Variants in EIF3E observed in about 807,000 individuals in gnomAD.
EIF3E encodes the protein eukaryotic translation initiation factor 3 subunit E, also known as eIF-3 p48.
EIF3E carries 25 observed loss-of-function variants against 59.3 expected under a neutral mutation model. The ratio of observed to expected loss-of-function variants is 0.42; its 90% CI spans 0.31 to 0.59. The LOEUF (loss-of-function observed/expected upper bound fraction) is 0.59. Among genes scored for constraint, EIF3E ranks in the 20% least tolerant of loss-of-function variants. The pLI is 0.15. For missense variants in EIF3E, 317 were observed against 534.3 expected (o/e 0.59, Z 4.01); for synonymous variants, 176 against 170.2 (o/e 1.03, Z -0.26).
In EIF3E at chr8:108,246,607, C is replaced by T. The variant is rs533995628; in HGVS notation, c.90+2006G>A. ...TTTGAACCACACAGGTCCACGTATA[C>T]ACAACTTTTTTTCAATAAAAGTTAC... On this transcript the variant is annotated intron_variant, in intron 1 of 12. Coordinates refer to ENST00000220849, the MANE Select transcript of EIF3E (RefSeq NM_001568.3). Among the ~76,000 whole-genome samples, 14 of 152,210 alleles carry T rather than the reference C, an allele frequency of 9.2e-5. No individual in the cohort carries two copies. In the South Asian group the frequency reaches 2.5e-3, roughly 27 times the overall value.
At chr8:108,235,237 G>A in intron 4 of EIF3E, 135 bp from the exon 5 acceptor site, 2 of 492,450 alleles carry the variant, frequency 4.1e-6, no homozygotes, top group South Asian at 8.9e-5. Context: ...TGAGTCAAAT[G>A]TATCTCTGAT....
At chr8:108,236,944 C>G (rs1000032305) in intron 3 of EIF3E, among the ~76,000 whole-genome samples, 11 of 151,938 alleles carry the variant, frequency 7.2e-5, no homozygotes, top group Admixed American at 2.6e-4. Context: ...ATCGCTTGAA[C>G]CTGGGAGGTG....
chr8:108,207,307 C>T (rs1273942771), intron 10 of EIF3E, among the ~76,000 whole-genome samples: 1 of 151,294 alleles, frequency 6.6e-6, no homozygotes, highest in Admixed American at 6.6e-5. Context: ...CCTGTCTCTA[C>T]AAAACGCAAA....
intron 9 of EIF3E, among the ~76,000 whole-genome samples, chr8:108,215,675 C>T (rs1021104558): frequency 6.6e-6 from 1 of 151,876 alleles, no homozygotes; most frequent in African/African-American, 2.4e-5. Flanking sequence ...TCATTTTTTT[C>T]CTTAGAGAAG....
chr8:108,233,646 A>G, intron 5 of EIF3E: 1 of 408,754 alleles, frequency 2.4e-6, no homozygotes, highest in Non-Finnish European at 5.0e-6. Context: ...GTTTGAGATC[A>G]GCCTGGGCAA....
chr8:108,239,032 A>T (rs1385023002), intron 3 of EIF3E, among the ~76,000 whole-genome samples: 2 of 152,200 alleles, frequency 1.3e-5, no homozygotes, highest in Non-Finnish European at 2.9e-5. Context: ...GGAATAAAAT[A>T]ATCTTATCAG....
intron 10 of EIF3E, among the ~76,000 whole-genome samples, chr8:108,211,370 T>C (rs1266838453): frequency 1.3e-5 from 2 of 152,250 alleles, no homozygotes; most frequent in African/African-American, 2.4e-5. Context: ...TTTTTTCATA[T>C]GTCTGTTGGC....
At chr8:108,235,667 G>A (rs1815715832) in intron 4 of EIF3E, among the ~76,000 whole-genome samples, 1 of 152,204 alleles carries the variant, frequency 6.6e-6, no homozygotes, top group African/African-American at 2.4e-5. Context: ...GGTTAGGAAA[G>A]CTTACGATGT....
intron 8 of EIF3E, 31 bp from the exon 9 acceptor site, chr8:108,216,544 T>G (rs770970811): frequency 8.2e-6 from 12 of 1,463,820 alleles, no homozygotes; most frequent in Non-Finnish European, 1.0e-5. Flanking sequence ...TCAAGGTAAG[T>G]CTGATTCAAC....
chr8:108,215,490 C>A (rs902448984), intron 9 of EIF3E, among the ~76,000 whole-genome samples: 1 of 151,922 alleles, frequency 6.6e-6, no homozygotes, highest in Non-Finnish European at 1.5e-5. Flanking sequence ...TGGTGGTGGG[C>A]GCCTATGGTC....
chr8:108,230,504 T>C (rs1042606496), intron 5 of EIF3E, among the ~76,000 whole-genome samples: 7 of 151,820 alleles, frequency 4.6e-5, no homozygotes, highest in Non-Finnish European at 7.4e-5. Context: ...TGTAAATGTG[T>C]ATACATATTT....
At chr8:108,220,473 A>G (rs1468724449) in intron 7 of EIF3E, among the ~76,000 whole-genome samples, 1 of 152,260 alleles carries the variant, frequency 6.6e-6, no homozygotes, top group Non-Finnish European at 1.5e-5. Flanking sequence ...AACTTCTGAC[A>G]GAACACAAAA....
chr8:108,215,049 G>A (rs1002059637), intron 9 of EIF3E, among the ~76,000 whole-genome samples: 14 of 152,130 alleles, frequency 9.2e-5, no homozygotes, highest in Non-Finnish European at 1.8e-4. Flanking sequence ...TGGACTACAA[G>A]CTCGGAGTAT....
At chr8:108,226,459 G>A (rs1815518783) in intron 7 of EIF3E, 1 of 152,286 alleles carries the variant, frequency 6.6e-6, no homozygotes, top group Non-Finnish European at 1.5e-5. Context: ...GCCTTCCAAA[G>A]TGCTGAAATT....
chr8:108,204,742 TATATAGAGAG>T (rs1273993487), intron 10 of EIF3E, among the ~76,000 whole-genome samples: 25 of 103,814 alleles, frequency 2.4e-4, no homozygotes, highest in African/African-American at 1.0e-3. Flanking sequence ...TATATATATA[TATATAGAGAG>T]AGAGAGAGAG....
At chr8:108,245,126 C>T (rs908514914) in intron 1 of EIF3E, among the ~76,000 whole-genome samples, 2 of 151,134 alleles carry the variant, frequency 1.3e-5, no homozygotes, top group Non-Finnish European at 2.9e-5. Flanking sequence ...TCACTGCCCC[C>T]CCCTCCCATC....
At chr8:108,208,413 TAAGTGTA>T (rs1815144210) in intron 10 of EIF3E, among the ~76,000 whole-genome samples, 1 of 152,146 alleles carries the variant, frequency 6.6e-6, no homozygotes, top group African/African-American at 2.4e-5. Context: ...GAATCAGTGT[TAAGTGTA>T]AACTATGTTT....
In EIF3E at chr8:108,241,800, A is replaced by T; in HGVS notation, c.204T>A (p.His68Gln). 6.4e-7 allele frequency: 1 copy of T among 1,550,390 alleles called. No homozygotes were observed. Among genetic ancestry groups the T allele is most frequent in the Non-Finnish European group, 8.7e-7 (1 of 1,150,002 alleles). ...TTCAGTTCTAATGACAAAACTTACC[A>T]TGAGGAATATCATCAGAATAAAGGT... ...YKNLYSDDIP[H>Q]ALREKRTTVV... is the part of the protein sequence containing the mutation. Residue 68 changes from histidine (H) to glutamine (Q), a missense_variant and splice_region_variant, in exon 2 of 13, where the codon CAT (histidine) becomes CAA (glutamine). His to Gln is a conservative substitution (Grantham distance 24). Around this residue, in one of 4 missense-constraint regions of EIF3E, gnomAD observed 242 missense variants for 398.0 expected, o/e 0.61. Coordinates refer to ENST00000220849, the MANE Select transcript of EIF3E (RefSeq NM_001568.3).
chr8:108,237,680 T>C (rs977149036), intron 3 of EIF3E, among the ~76,000 whole-genome samples: 1 of 152,166 alleles, frequency 6.6e-6, no homozygotes, highest in African/African-American at 2.4e-5. Context: ...AAAATTAATA[T>C]AGGTGTATTA....
Sources: allele counts gnomAD v4.1 joint callset (sites outside exome capture counted in the v4.1 genomes callset), GRCh38; gene constraint gnomAD v4.1.1; regional missense constraint gnomAD v4.1.1; transcripts MANE v1.5; gene names NCBI Gene and HGNC (gene_info 2026-07-23, HGNC 2026-07-21).